Variants in ADH1C observed in about 807,000 individuals in gnomAD.
ADH1C encodes the protein alcohol dehydrogenase 1C.
In ADH1C, 26 loss-of-function variants were observed where a neutral mutation model predicts 35.0. The ratio of observed to expected loss-of-function variants is 0.74; its 90% CI spans 0.54 to 1.03. The LOEUF is 1.03. ADH1C is among the 50% of genes least tolerant of loss of function. The pLI is 0.00. For missense variants in ADH1C, 413 were observed against 465.4 expected (o/e 0.89, Z 1.04); for synonymous variants, 170 against 169.3 (o/e 1.00, Z -0.03).
At chr4:99,338,611 T>C (rs1163676194) in intron 8 of ADH1C, among the ~76,000 whole-genome samples, 3 of 149,646 alleles carry the variant, frequency 2.0e-5, no homozygotes, top group Admixed American at 1.4e-4. Flanking sequence ...AGATTGAGAC[T>C]GACACTGAGC....
At chr4:99,341,913 G>A (rs1415934614) in intron 6 of ADH1C, among the ~76,000 whole-genome samples, 2 of 151,908 alleles carry the variant, frequency 1.3e-5, no homozygotes, top group African/African-American at 4.8e-5. Flanking sequence ...TTCGGAGGCT[G>A]AGGTAGGAAA....
Position 99,347,640 on chromosome 4 carries a change from T to A in ADH1C, c.120+105A>T, listed in dbSNP as rs577103375. 6.0e-6 allele frequency: 7 copies of A among 1,173,822 alleles called. No individual in the cohort carries two copies. The African/African-American group carries it at 9.3e-5, about 16-fold the overall frequency. 72.7% of individuals were successfully genotyped at this position (1,173,822 alleles called of 1,614,324 possible). On this transcript the variant is annotated intron_variant, in intron 2 of 8. Coordinates refer to ENST00000515683, the MANE Select transcript of ADH1C (RefSeq NM_000669.5). ...AACAAATGTAATTTTATTTTCTGGA[T>A]AATTATATAAAAAATACCTCTAGTG... is the stretch of plus-strand genomic sequence containing the variant.
intron 1 of ADH1C, among the ~76,000 whole-genome samples, chr4:99,349,805 C>CTGTG (rs70956001): frequency 1.8e-3 from 154 of 84,454 alleles, no homozygotes; most frequent in African/African-American, 3.3e-3. Flanking sequence ...ATGTGTGTTT[C>CTGTG]TGTGTGTGTG....
rs537229023 is a variant in ADH1C, at chr4:99,344,843, C to A, written c.567+19G>T. The A allele has an allele frequency of 1.2e-6, 2 of 1,613,916 alleles. No individual in the cohort carries two copies. The highest frequency in any genetic ancestry group is 1.1e-5 in the South Asian group (1 of 91,074). On this transcript the variant is annotated intron_variant, in intron 5 of 8. Coordinates refer to ENST00000515683, the MANE Select transcript of ADH1C (RefSeq NM_000669.5). ...ACAGTCTGCGTGTAACCGGTTTTAT[C>A]ATCCATTGTCATTTCTACCTTGGCA...
intron 1 of ADH1C, 62 bp downstream of exon 1, chr4:99,352,596 T>C: frequency 1.4e-6 from 2 of 1,393,844 alleles, no homozygotes; most frequent in Non-Finnish European, 2.0e-6. Flanking sequence ...ATTAATACTG[T>C]ATTCCTTTAT....
intron 1 of ADH1C, among the ~76,000 whole-genome samples, chr4:99,351,668 C>A (rs2110665910): frequency 6.6e-6 from 1 of 152,300 alleles, no homozygotes; most frequent in Admixed American, 6.5e-5. Flanking sequence ...TGATTTCCAA[C>A]CAGTCTTATT....
intron 1 of ADH1C, among the ~76,000 whole-genome samples, chr4:99,352,273 A>G (rs1199390365): frequency 3.3e-5 from 5 of 152,236 alleles, no homozygotes; most frequent in Non-Finnish European, 5.9e-5. Flanking sequence ...ATGCTTTCTT[A>G]ATATAAAGAT....
intron 5 of ADH1C, among the ~76,000 whole-genome samples, chr4:99,344,168 C>A (rs1625439): frequency 0.31 from 47,503 of 152,004 alleles, 8,860 homozygotes; most frequent in Non-Finnish European, 0.41. Context: ...TTATATCTCT[C>A]GATCTAGGTT....
chr4:99,348,344 T>C (rs566208127), intron 1 of ADH1C, among the ~76,000 whole-genome samples: 1 of 149,620 alleles, frequency 6.7e-6, no homozygotes, highest in African/African-American at 2.5e-5. Flanking sequence ...ATCTCATTGT[T>C]CAATTTCCAC....
intron 7 of ADH1C, 76 bp from the exon 8 acceptor site, chr4:99,339,791 A>G (rs766581306): frequency 8.1e-5 from 117 of 1,441,034 alleles, no homozygotes; most frequent in Non-Finnish European, 9.8e-5. Context: ...TTCCAAATAA[A>G]TGAAAGTTTA....
intron 7 of ADH1C, among the ~76,000 whole-genome samples, 184 bp from the exon 8 acceptor site, chr4:99,339,899 T>C (rs1560536063): frequency 1.3e-5 from 2 of 152,124 alleles, no homozygotes; most frequent in Non-Finnish European, 1.5e-5. Flanking sequence ...AAATCACAGA[T>C]AAACAAGGGT....
chr4:99,352,629 T>C (rs554629779), intron 1 of ADH1C, 29 bp downstream of exon 1: 6 of 1,573,808 alleles, frequency 3.8e-6, no homozygotes, highest in East Asian at 2.2e-5. Flanking sequence ...AGAGAATATA[T>C]TATCAACAGT....
At chr4:99,339,788 T>C (rs1227766506) in intron 7 of ADH1C, 73 bp from the exon 8 acceptor site, 3 of 1,460,852 alleles carry the variant, frequency 2.1e-6, no homozygotes, top group Non-Finnish European at 9.3e-7. Flanking sequence ...ATTTTCCAAA[T>C]AAATGAAAGT....
rs746530413 is a variant in ADH1C at position 99,339,566 on chromosome 4, T to C, written c.1103+11A>G. 2 of 1,373,594 alleles carry C rather than the reference T, an allele frequency of 1.5e-6. No homozygotes were observed. Among genetic ancestry groups the C allele is most frequent in the South Asian group, 2.5e-5 (2 of 79,924 alleles). The allele number at this position is 1,373,594 out of a possible 1,614,324, so 85.1% of individuals were successfully genotyped here. The stretch of plus-strand genomic sequence containing the variant: ...ATACAAAGCAAAACAAAAAAACAAC[T>C]TAAAATCTACCTCTTTCCAGAGCGA... On this transcript the variant is annotated intron_variant, in intron 8 of 8. Transcript: ENST00000515683.
rs1390533176 is a variant in ADH1C at position 99,338,442 on chromosome 4, T to C, written c.1103+1135A>G. On this transcript the variant is annotated intron_variant, in intron 8 of 8. Coordinates refer to ENST00000515683, the MANE Select transcript of ADH1C (RefSeq NM_000669.5). ...ATATATATATATATATATATATATATATACACACTCTTGAGGGGTGGTGTG... is the reference window on the plus strand; with the variant it reads ...ATATATATATATATATATATATATACATACACACTCTTGAGGGGTGGTGTG... Among the ~76,000 whole-genome samples the C allele has an allele frequency of 3.7e-4, 22 of 58,778 alleles. 1 individual carries two copies. The highest frequency in any genetic ancestry group is 6.6e-4 in the East Asian group (2 of 3,046). The allele number at this position is 58,778 out of a possible 152,430, so 38.6% of individuals were successfully genotyped here. A position where few individuals can be genotyped will look rare whatever the true frequency, so the allele number is the denominator to read the frequency against.
chr4:99,352,108 T>C (rs1296345413), intron 1 of ADH1C, among the ~76,000 whole-genome samples: 1 of 152,204 alleles, frequency 6.6e-6, no homozygotes, highest in Non-Finnish European at 1.5e-5. Flanking sequence ...ACCTTGATGA[T>C]TCTAATGCTG....
At chr4:99,346,644 GT>G (rs1427724009) in intron 3 of ADH1C, among the ~76,000 whole-genome samples, 1 of 151,978 alleles carries the variant, frequency 6.6e-6, no homozygotes. Flanking sequence ...CCCATTTATA[GT>G]TTTTTGGGCA....
chr4:99,337,266 C>T (rs553223839), intron 8 of ADH1C, among the ~76,000 whole-genome samples: 4 of 151,538 alleles, frequency 2.6e-5, no homozygotes, highest in African/African-American at 4.9e-5. Context: ...TTGCTCTGGT[C>T]GCACATCTAG....
In ADH1C at chr4:99,342,962, T is replaced by A. The variant is rs922751507; in HGVS notation, c.661A>T (p.Ile221Phe). 1 of 1,614,238 alleles carries A rather than the reference T, an allele frequency of 6.2e-7. No homozygotes were observed. The highest frequency in any genetic ancestry group is 2.2e-5 in the East Asian group (1 of 44,888). The change falls in exon 6 of 9, where the codon ATT becomes TTT. Residue 221 changes from isoleucine (I) to phenylalanine (F), a missense_variant. Transcript: ENST00000515683. ...GCKAAGAARI[I>F]AVDINKDKFA... The stretch of plus-strand genomic sequence containing the variant: ...TTGTCCTTGTTGATGTCCACAGCAA[T>A]GATTCTGGCTGCTCCAGCTGCTTTA...
Sources: allele counts gnomAD v4.1 joint callset (sites outside exome capture counted in the v4.1 genomes callset), GRCh38; gene constraint gnomAD v4.1.1; transcripts MANE v1.5; gene names NCBI Gene and HGNC (gene_info 2026-07-23, HGNC 2026-07-21).